Variants in OCA2 observed in about 807,000 individuals in gnomAD.
OCA2 encodes the protein P protein.
Under a neutral mutation model 100.2 loss-of-function variants are expected in OCA2, and 77 were observed. That is an observed-to-expected ratio of 0.77 (90% CI 0.64 to 0.93). OCA2 has a LOEUF of 0.93. Among genes scored for constraint, OCA2 ranks in the 40% least tolerant of loss-of-function variants. OCA2 has a pLI of 0.00. For synonymous variants in OCA2, 432 were observed against 439.2 expected (o/e 0.98, Z 0.21); for missense variants, 1,062 against 1,089.1 (o/e 0.98, Z 0.35).
intron 18 of OCA2, among the ~76,000 whole-genome samples, chr15:27,931,892 C>T (rs1419915129): frequency 2.6e-5 from 4 of 152,162 alleles, no homozygotes; most frequent in Non-Finnish European, 2.9e-5. Context: ...TCAGGAAACA[C>T]TCCTGTTCAT....
intron 19 of OCA2, among the ~76,000 whole-genome samples, chr15:27,890,224 C>A (rs1304931590): frequency 2.0e-5 from 3 of 152,072 alleles, no homozygotes; most frequent in East Asian, 1.9e-4. Context: ...TTTTTAAAAT[C>A]TAATATTCAT....
At chr15:27,901,168 T>C (rs2037913295) in intron 19 of OCA2, among the ~76,000 whole-genome samples, 1 of 152,218 alleles carries the variant, frequency 6.6e-6, no homozygotes. Context: ...ATTGTACAGC[T>C]CTTGTTTTGA....
chr15:27,985,361 G>A (rs549073362), intron 12 of OCA2, among the ~76,000 whole-genome samples, 173 bp from the exon 13 acceptor site: 11 of 152,212 alleles, frequency 7.2e-5, no homozygotes, highest in South Asian at 4.1e-4. Context: ...GCTGGCCATC[G>A]AAGTTCCTAG....
chr15:27,875,598 G>A (rs1424071749), intron 19 of OCA2, among the ~76,000 whole-genome samples: 4 of 152,016 alleles, frequency 2.6e-5, no homozygotes. Flanking sequence ...GTCAATGTGG[G>A]AAGAACTGCA....
At chr15:27,933,950 A>G (rs1384006784) in intron 18 of OCA2, among the ~76,000 whole-genome samples, 1 of 152,190 alleles carries the variant, frequency 6.6e-6, no homozygotes, top group Non-Finnish European at 1.5e-5. Flanking sequence ...TGTATGTGTT[A>G]TATACATATC....
At chr15:27,775,233 C>T (rs528784109) in intron 23 of OCA2, among the ~76,000 whole-genome samples, 267 of 152,226 alleles carry the variant, frequency 1.8e-3, no homozygotes, top group African/African-American at 4.1e-3. Context: ...TGCGGCCTGG[C>T]GACCCCACAG....
chr15:27,868,905 A>G (rs910708776), intron 21 of OCA2, among the ~76,000 whole-genome samples: 1 of 152,232 alleles, frequency 6.6e-6, no homozygotes, highest in African/African-American at 2.4e-5. Context: ...ATGTGGTGAA[A>G]AGACACTCAA....
intron 22 of OCA2, 35 bp from the exon 23 acceptor site, chr15:27,845,087 A>C (rs914730374): frequency 2.0e-6 from 3 of 1,464,114 alleles, no homozygotes; most frequent in African/African-American, 1.4e-5. Context: ...ATCCCAGTTC[A>C]TCTTGGTGGT....
At chr15:27,989,857 T>C (rs942364149) in intron 10 of OCA2, among the ~76,000 whole-genome samples, 191 bp from the exon 11 acceptor site, 1 of 152,186 alleles carries the variant, frequency 6.6e-6, no homozygotes, top group Non-Finnish European at 1.5e-5. Flanking sequence ...GCATCTATAA[T>C]GTCAAATCTA....
chr15:28,094,463 G>A (rs1370911904), intron 1 of OCA2, among the ~76,000 whole-genome samples: 1 of 152,160 alleles, frequency 6.6e-6, no homozygotes, highest in Non-Finnish European at 1.5e-5. Context: ...CACCCCTCCA[G>A]GTCCTCCCCG....
At position 27,879,473 on chromosome 15, in the gene OCA2, CA is replaced by C. The variant is rs559214082; in HGVS notation, c.2080-7552del. ...TTGAACTAATTTAGATTTACACCAACAGTGTAAAAGCATTCCTATTTCTCCA... is the reference window on the plus strand; with the variant it reads ...TTGAACTAATTTAGATTTACACCAACGTGTAAAAGCATTCCTATTTCTCCA... On this transcript the variant is annotated intron_variant, in intron 19 of 23. Coordinates refer to ENST00000354638, the MANE Select transcript of OCA2 (RefSeq NM_000275.3). Among the ~76,000 whole-genome samples the C allele has an allele frequency of 7.4e-4, 113 of 152,290 alleles. 2 individuals are homozygous for C. The highest frequency in any genetic ancestry group is 2.6e-3 in the African/African-American group (108 of 41,558).
chr15:27,951,013 A>C (rs548631524), intron 18 of OCA2, among the ~76,000 whole-genome samples: 10 of 152,338 alleles, frequency 6.6e-5, no homozygotes, highest in Middle Eastern at 3.4e-3. Flanking sequence ...TTATAAACCT[A>C]CACTTTCATG....
intron 2 of OCA2, among the ~76,000 whole-genome samples, chr15:28,038,284 A>C (rs1239824156): frequency 6.6e-6 from 1 of 152,186 alleles, no homozygotes; most frequent in East Asian, 1.9e-4. Context: ...TCTGAGGAAG[A>C]AACATGAGTA....
At chr15:28,058,135 T>TC (rs967275110) in intron 2 of OCA2, among the ~76,000 whole-genome samples, 2 of 151,556 alleles carry the variant, frequency 1.3e-5, no homozygotes, top group African/African-American at 2.4e-5. Flanking sequence ...AGCTTGAGGG[T>TC]CCCCCCCAAT....
At chr15:27,869,476 T>C (rs887653459) in intron 21 of OCA2, among the ~76,000 whole-genome samples, 10 of 152,264 alleles carry the variant, frequency 6.6e-5, no homozygotes, top group Non-Finnish European at 1.0e-4. Flanking sequence ...TGTTGTACTA[T>C]TGTCTCTGAT....
rs763429824 is a variant in OCA2, at chr15:28,024,922, G to C, written c.516-20C>G. 1 of 1,613,552 alleles carries C rather than the reference G, an allele frequency of 6.2e-7. No homozygotes were observed. The highest frequency in any genetic ancestry group is 2.2e-5 in the East Asian group (1 of 44,874). On this transcript the variant is annotated intron_variant, in intron 4 of 23. Coordinates refer to ENST00000354638, the MANE Select transcript of OCA2 (RefSeq NM_000275.3). ...CAGCGCCTGCAAGAGAAAAAGTAGGGCCTTAGTGGCAAGGGCAGCAGTCCT... is the reference window on the plus strand; with the variant it reads ...CAGCGCCTGCAAGAGAAAAAGTAGGCCCTTAGTGGCAAGGGCAGCAGTCCT...
chr15:27,897,207 A>C (rs2151628141), intron 19 of OCA2, among the ~76,000 whole-genome samples: 1 of 152,002 alleles, frequency 6.6e-6, no homozygotes, highest in South Asian at 2.1e-4. Context: ...AAAAAAAAGA[A>C]ATCTTCTTGG....
At chr15:27,976,021 C>T (rs1312897908) in intron 14 of OCA2, among the ~76,000 whole-genome samples, 1 of 149,302 alleles carries the variant, frequency 6.7e-6, no homozygotes, top group African/African-American at 2.5e-5. Context: ...ATACTGAATA[C>T]AGCATATGTT....
At chr15:27,783,165 C>T (rs1046029778) in intron 23 of OCA2, among the ~76,000 whole-genome samples, 2 of 152,182 alleles carry the variant, frequency 1.3e-5, no homozygotes, top group Non-Finnish European at 2.9e-5. Flanking sequence ...AGCTCATTAG[C>T]AGTGTCCAGG....
Sources: allele counts gnomAD v4.1 joint callset (sites outside exome capture counted in the v4.1 genomes callset), GRCh38; gene constraint gnomAD v4.1.1; transcripts MANE v1.5; gene names NCBI Gene and HGNC (gene_info 2026-07-23, HGNC 2026-07-21).